The following GALNT16 variants were observed in gnomAD, a reference collection of about 807,000 sequenced individuals.
GALNT16 encodes the protein UDP-GalNAc:polypeptide N-acetylgalactosaminyltransferase-like protein 1.
In GALNT16, 40 loss-of-function variants were observed where a neutral mutation model predicts 76.1. That is an observed-to-expected ratio of 0.53 (90% CI 0.41 to 0.68). The LOEUF is 0.68. GALNT16 is among the 30% of genes least tolerant of loss of function. The pLI, the probability that GALNT16 is intolerant of heterozygous loss-of-function variation, is 0.00. For missense variants in GALNT16, 621 were observed against 731.9 expected (o/e 0.85, Z 1.75); for synonymous variants, 276 against 285.2 (o/e 0.97, Z 0.32).
intron 1 of GALNT16, among the ~76,000 whole-genome samples, chr14:69,285,040 CTT>C (rs11401674): frequency 1.1e-3 from 134 of 127,474 alleles, no homozygotes; most frequent in African/African-American, 3.1e-3. Flanking sequence ...CTCGGGCACT[CTT>C]TTTTTTTTTT....
chr14:69,313,313 A>G (rs1003638922), intron 1 of GALNT16, among the ~76,000 whole-genome samples: 19 of 152,356 alleles, frequency 1.2e-4, no homozygotes, highest in Admixed American at 6.5e-4. Flanking sequence ...TATCTCTGGC[A>G]TGGACCAGCC....
At chr14:69,265,795 G>A (rs1015209286) in intron 1 of GALNT16, among the ~76,000 whole-genome samples, 3 of 152,192 alleles carry the variant, frequency 2.0e-5, no homozygotes, top group Non-Finnish European at 4.4e-5. Context: ...TACAGTCACC[G>A]ACTGTGTGTA....
chr14:69,338,996 T>C (rs933078513), intron 10 of GALNT16, among the ~76,000 whole-genome samples: 1 of 152,012 alleles, frequency 6.6e-6, no homozygotes, highest in Non-Finnish European at 1.5e-5. Flanking sequence ...TCATATGGAC[T>C]TCCTTTGTCC....
At chr14:69,342,529 GGAAAA>G (rs72142887) in intron 12 of GALNT16, among the ~76,000 whole-genome samples, 35,025 of 117,496 alleles carry the variant, frequency 0.3, 7,789 homozygotes, top group Non-Finnish European at 0.42. Context: ...GAGAGGGAGA[GGAAAA>G]GAAAAGAAAA....
At chr14:69,287,351 C>T (rs1188922929) in intron 1 of GALNT16, among the ~76,000 whole-genome samples, 1 of 152,244 alleles carries the variant, frequency 6.6e-6, no homozygotes, top group Non-Finnish European at 1.5e-5. Flanking sequence ...TAGCCAGATG[C>T]TCAGTAAGTG....
At chr14:69,329,386 T>C (rs914689356) in intron 6 of GALNT16, among the ~76,000 whole-genome samples, 1 of 151,834 alleles carries the variant, frequency 6.6e-6, no homozygotes, top group Non-Finnish European at 1.5e-5. Flanking sequence ...AGGATTTGAG[T>C]AGACATTTTT....
chr14:69,326,894 C>G (rs1341801371), intron 5 of GALNT16, among the ~76,000 whole-genome samples: 1 of 152,162 alleles, frequency 6.6e-6, no homozygotes, highest in Non-Finnish European at 1.5e-5. Context: ...GGGGCCCAAC[C>G]CAAAGGCCAG....
chr14:69,383,192 ACT>A, the GALNT16 span, among the ~76,000 whole-genome samples: 1 of 152,270 alleles, frequency 6.6e-6, no homozygotes, highest in African/African-American at 2.4e-5. Flanking sequence ...GAAAAATCTG[ACT>A]CTGACTTTAA....
intron 1 of GALNT16, among the ~76,000 whole-genome samples, chr14:69,262,387 T>C (rs528678933): frequency 8.7e-4 from 132 of 152,256 alleles, no homozygotes; most frequent in Admixed American, 1.6e-3. Flanking sequence ...CAGAATGGTG[T>C]AGGGGACCTG....
At chr14:69,380,503 A>G in the GALNT16 span, 6 of 1,110,946 alleles carry the variant, frequency 5.4e-6, no homozygotes, top group African/African-American at 7.6e-5. Flanking sequence ...CTGTGTTCCA[A>G]GCCCACCCCA....
the GALNT16 span, among the ~76,000 whole-genome samples, chr14:69,367,194 C>T: frequency 1.3e-5 from 2 of 152,048 alleles, no homozygotes; most frequent in East Asian, 1.9e-4. Flanking sequence ...TCATGAAGGG[C>T]CTTGGGCGGT....
chr14:69,366,410 C>G, the GALNT16 span, among the ~76,000 whole-genome samples: 8 of 152,210 alleles, frequency 5.3e-5, no homozygotes, highest in Non-Finnish European at 8.8e-5. Context: ...CGTGCTTCCC[C>G]GACTCTGCCT....
chr14:69,296,502 T>G (rs1316253638), intron 1 of GALNT16, among the ~76,000 whole-genome samples: 1 of 152,166 alleles, frequency 6.6e-6, no homozygotes, highest in Non-Finnish European at 1.5e-5. Context: ...AAGACCAGCC[T>G]GGGCAACATG....
chr14:69,273,402 G>T (rs2044431031), intron 1 of GALNT16, among the ~76,000 whole-genome samples: 1 of 152,344 alleles, frequency 6.6e-6, no homozygotes, highest in African/African-American at 2.4e-5. Context: ...GGAAGTGGCA[G>T]CCTGGAGCAC....
At chr14:69,343,030 C>T (rs1256796921) in intron 12 of GALNT16, among the ~76,000 whole-genome samples, 2 of 152,256 alleles carry the variant, frequency 1.3e-5, no homozygotes, top group African/African-American at 2.4e-5. Context: ...TGTTTGTTCA[C>T]TGCTTTATCT....
chr14:69,316,762 G>A (rs1350555070), intron 1 of GALNT16, among the ~76,000 whole-genome samples: 1 of 92,356 alleles, frequency 1.1e-5, no homozygotes, highest in East Asian at 4.0e-4. Context: ...GAGCTTGGGG[G>A]CTTGTAGTCT....
In GALNT16 at chr14:69,333,002, A is replaced by G; in HGVS notation, c.779-83A>G. On this transcript the variant is annotated intron_variant, in intron 7 of 14. Coordinates refer to ENST00000448469, the MANE Select transcript of GALNT16 (RefSeq NM_001168368.2). The surrounding 1 kb of genome is among the most constrained non-coding windows in gnomAD (Gnocchi z 4.2). The stretch of plus-strand genomic sequence containing the variant: ...GAGCCCAGGGCTCTGATCAGGGGAG[A>G]CTCCGAGGGGTGGTGGAGTGAAGGG... The G allele has an allele frequency of 2.2e-6, 2 of 924,904 alleles. No homozygotes were observed. Among genetic ancestry groups the G allele is most frequent in the Non-Finnish European group, 3.6e-6 (2 of 552,308 alleles). The allele number at this position is 924,904 out of a possible 1,614,324, so 57.3% of individuals were successfully genotyped here. A position where few individuals can be genotyped will look rare whatever the true frequency, so the allele number is the denominator to read the frequency against.
intron 1 of GALNT16, among the ~76,000 whole-genome samples, chr14:69,283,505 G>A (rs1207652914): frequency 1.3e-5 from 2 of 152,146 alleles, no homozygotes; most frequent in Non-Finnish European, 2.9e-5. Flanking sequence ...CTGACTCTTG[G>A]GCTCAGGCTG....
chr14:69,298,360 G>A (rs2185492), intron 1 of GALNT16, among the ~76,000 whole-genome samples: 56,812 of 152,170 alleles, frequency 0.37, 11,482 homozygotes, highest in East Asian at 0.65. Flanking sequence ...AGGGAGTGGA[G>A]TGGGTAAGGA....
Sources: gnomAD v4.1 joint callset for allele counts (sites outside exome capture counted in the v4.1 genomes callset) on GRCh38, gnomAD v4.1.1 for gene constraint, Gnocchi (gnomAD v3.1) non-coding constraint, MANE v1.5 for transcripts, NCBI Gene and HGNC (gene_info 2026-07-23, HGNC 2026-07-21) for gene names.